The following BCAR3 variants were observed in gnomAD, a reference collection of about 807,000 sequenced individuals.
BCAR3 encodes the protein BCAR3 adaptor protein, NSP family member.
BCAR3 carries 37 observed loss-of-function variants against 80.1 expected under a neutral mutation model. The observed-to-expected ratio is 0.46, with a 90% CI of 0.36 to 0.61. The LOEUF (loss-of-function observed/expected upper bound fraction) is 0.61, where lower values mean the gene tolerates loss of function less well. BCAR3 is among the 20% of genes least tolerant of loss of function. The pLI is 0.00. For missense variants in BCAR3, 978 were observed against 1,068.2 expected (o/e 0.92, Z 1.18); for synonymous variants, 389 against 418.9 (o/e 0.93, Z 0.87).
At chr1:93,659,305 C>T (rs1033146304) in intron 2 of BCAR3, among the ~76,000 whole-genome samples, 7 of 152,130 alleles carry the variant, frequency 4.6e-5, no homozygotes, top group African/African-American at 1.7e-4. Flanking sequence ...CTGACTCAGC[C>T]TCCTGAGTAG....
At chr1:93,783,819 C>T (rs1485457032) in intron 2 of BCAR3, among the ~76,000 whole-genome samples, 1 of 152,212 alleles carries the variant, frequency 6.6e-6, no homozygotes, top group African/African-American at 2.4e-5. Flanking sequence ...TTACCACCCT[C>T]CCATCAAGGA....
chr1:93,598,338 T>C (rs950435107), intron 3 of BCAR3, among the ~76,000 whole-genome samples: 22 of 152,146 alleles, frequency 1.4e-4, no homozygotes, highest in Non-Finnish European at 2.9e-4. Context: ...CAGCAGAATT[T>C]GAAAAAGGTG....
chr1:93,803,769 C>T (rs868030836), intron 2 of BCAR3, among the ~76,000 whole-genome samples: 3 of 152,208 alleles, frequency 2.0e-5, no homozygotes, highest in African/African-American at 7.2e-5. Flanking sequence ...TGGAAACAAA[C>T]TCAGGGAACA....
chr1:93,643,363 A>G (rs1557636893), intron 2 of BCAR3, among the ~76,000 whole-genome samples: 1 of 151,580 alleles, frequency 6.6e-6, no homozygotes, highest in Non-Finnish European at 1.5e-5. Flanking sequence ...CGTCTCTACT[A>G]TACTAAAAAC....
intron 2 of BCAR3, among the ~76,000 whole-genome samples, chr1:93,788,118 T>C (rs1434048573): frequency 1.3e-5 from 2 of 152,150 alleles, no homozygotes; most frequent in Non-Finnish European, 2.9e-5. Context: ...TTTTGTCTGA[T>C]ATAAGAATAG....
chr1:93,738,087 G>A (rs2100692457), intron 2 of BCAR3, among the ~76,000 whole-genome samples: 1 of 152,246 alleles, frequency 6.6e-6, no homozygotes, highest in African/African-American at 2.4e-5. Context: ...TCCTGCCTTG[G>A]CCTCTCAAAG....
At chr1:93,686,381 C>T (rs1361487295), upstream of BCAR3, among the ~76,000 whole-genome samples, 1 of 152,138 alleles carries the variant, frequency 6.6e-6, no homozygotes, top group Non-Finnish European at 1.5e-5. Flanking sequence ...AGCCACTGCA[C>T]TCCAGCCTGG....
At chr1:93,760,912 G>T (rs759063118) in intron 2 of BCAR3, among the ~76,000 whole-genome samples, 4 of 152,154 alleles carry the variant, frequency 2.6e-5, no homozygotes, top group Non-Finnish European at 4.4e-5. Context: ...CACCTTTGAG[G>T]CCAGAGAGGA....
At chr1:93,578,709 T>C (rs1266435050) in intron 7 of BCAR3, among the ~76,000 whole-genome samples, 1 of 152,132 alleles carries the variant, frequency 6.6e-6, no homozygotes, top group East Asian at 1.9e-4. Context: ...CCCAAGTTCC[T>C]GCATCACTGT....
intron 2 of BCAR3, among the ~76,000 whole-genome samples, chr1:93,832,306 C>T (rs1272161022): frequency 6.6e-6 from 1 of 152,218 alleles, no homozygotes; most frequent in Non-Finnish European, 1.5e-5. Context: ...GGCATTCCTC[C>T]AGGACTGCCT....
intron 2 of BCAR3, among the ~76,000 whole-genome samples, chr1:93,652,315 C>T (rs1001409431): frequency 3.3e-5 from 5 of 152,312 alleles, no homozygotes; most frequent in African/African-American, 1.2e-4. Flanking sequence ...CAAGTTAATG[C>T]ATTACAAATC....
rs1673880844 is a variant in BCAR3, at chr1:93,584,918, TCC to T, written c.930-799_930-798del. 3.2e-6 allele frequency: 3 copies of T among 941,282 alleles called. No individual in the cohort carries two copies. The East Asian group carries it at 3.5e-4, about 110-fold the overall frequency. The allele number at this position is 941,282 out of a possible 1,614,324, so 58.3% of individuals were successfully genotyped here. Reference sequence around the variant, plus strand: ...AGTTGTTATGAACTTTAATTGGCCTTCCCATAAGCATAAAACATTGTTATGTT... The same window carrying T: ...AGTTGTTATGAACTTTAATTGGCCTTCATAAGCATAAAACATTGTTATGTT... On this transcript the variant is annotated intron_variant, in intron 5 of 11. Coordinates refer to ENST00000260502, the MANE Select transcript of BCAR3 (RefSeq NM_003567.4).
In BCAR3 at chr1:93,562,112, T is replaced by C; in HGVS notation, c.*129A>G. The C allele has an allele frequency of 1.1e-6, 1 of 926,602 alleles. No individual in the cohort carries two copies. Among genetic ancestry groups the C allele is most frequent in the Non-Finnish European group, 1.6e-6 (1 of 632,408 alleles). The allele number at this position is 926,602 out of a possible 1,614,324, so 57.4% of individuals were successfully genotyped here. On this transcript the variant is annotated 3_prime_UTR_variant, in exon 12 of 12. Coordinates refer to ENST00000260502, the MANE Select transcript of BCAR3 (RefSeq NM_003567.4). ...CTCTGTGCAATTTACACGTTTAATATCCTGTGGATACTAAAAGCTTGTATA... is the reference window on the plus strand; with the variant it reads ...CTCTGTGCAATTTACACGTTTAATACCCTGTGGATACTAAAAGCTTGTATA...
chr1:93,611,278 C>T (rs1320793437), intron 3 of BCAR3, among the ~76,000 whole-genome samples: 1 of 152,122 alleles, frequency 6.6e-6, no homozygotes, highest in Non-Finnish European at 1.5e-5. Flanking sequence ...TCATTTATTG[C>T]CCCACACCTC....
At chr1:93,843,007 T>C (rs1392086388) in intron 2 of BCAR3, among the ~76,000 whole-genome samples, 1 of 152,226 alleles carries the variant, frequency 6.6e-6, no homozygotes. Flanking sequence ...GATTTTAGGA[T>C]GAAAAAGGCC....
chr1:93,628,943 C>T (rs1293783439), intron 3 of BCAR3, among the ~76,000 whole-genome samples: 1 of 152,130 alleles, frequency 6.6e-6, no homozygotes, highest in Non-Finnish European at 1.5e-5. Context: ...ATTAGCAAAA[C>T]CCAAATGTCA....
intron 2 of BCAR3, among the ~76,000 whole-genome samples, chr1:93,760,732 G>A (rs2100725838): frequency 6.6e-6 from 1 of 152,286 alleles, no homozygotes; most frequent in Admixed American, 6.5e-5. Flanking sequence ...GTTCTAGGCA[G>A]CCCCAGACTC....
At chr1:93,580,012 T>G (rs1673634821) in intron 7 of BCAR3, among the ~76,000 whole-genome samples, 1 of 152,250 alleles carries the variant, frequency 6.6e-6, no homozygotes, top group South Asian at 2.1e-4. Context: ...CAGCAGGCCC[T>G]TGTTCTTCCA....
At chr1:93,587,735 T>C (rs910615399) in intron 5 of BCAR3, among the ~76,000 whole-genome samples, 1 of 149,290 alleles carries the variant, frequency 6.7e-6, no homozygotes, top group South Asian at 2.1e-4. Flanking sequence ...ATAAAATATG[T>C]TGGTTTACGT....
Sources: allele counts gnomAD v4.1 joint callset (sites outside exome capture counted in the v4.1 genomes callset), GRCh38; gene constraint gnomAD v4.1.1; transcripts MANE v1.5; gene names NCBI Gene and HGNC (gene_info 2026-07-23, HGNC 2026-07-21).